Variants in CFAP299 observed in about 807,000 individuals in gnomAD.
CFAP299 encodes cilia and flagella associated protein 299.
In CFAP299, 21 loss-of-function variants were observed where a neutral mutation model predicts 27.0. That is an observed-to-expected ratio of 0.78 (90% CI 0.55 to 1.12). The LOEUF (loss-of-function observed/expected upper bound fraction) is 1.12, where lower values mean the gene tolerates loss of function less well. CFAP299 is among the 50% of genes most tolerant of loss of function. The pLI, the probability that CFAP299 is intolerant of heterozygous loss-of-function variation, is 0.00. For missense variants in CFAP299, 310 were observed against 276.6 expected, an observed-to-expected ratio of 1.12 and a Z score of -0.86; for synonymous variants, 104 against 98.1, an observed-to-expected ratio of 1.06 and a Z score of -0.36.
chr4:80,600,774 C>T lies in CFAP299; in HGVS notation c.333+17591C>T, dbSNP rs541726735. On this transcript the variant is annotated intron_variant, in intron 3 of 5. Transcript: ENST00000358105. ...CAAAATACAAAGCAAGTTTCTGGGA[C>T]ATGGATTTACACTTATTCTGTGGTA... Among the ~76,000 whole-genome samples the T allele has an allele frequency of 7.9e-5, 12 of 152,120 alleles. No homozygotes were observed. The South Asian group carries it at 2.5e-3, about 32-fold the overall frequency.
At chr4:80,390,787 ATATATG>A (rs1169342866) in intron 2 of CFAP299, among the ~76,000 whole-genome samples, 5 of 144,954 alleles carry the variant, frequency 3.4e-5, no homozygotes, top group East Asian at 2.0e-4. Context: ...ACATATACAC[ATATATG>A]TATATGTATA....
intron 3 of CFAP299, among the ~76,000 whole-genome samples, chr4:80,759,110 A>G (rs1031471695): frequency 6.6e-6 from 1 of 152,200 alleles, no homozygotes; most frequent in Non-Finnish European, 1.5e-5. Context: ...TGTAATATTC[A>G]TGCCTAAAAC....
intron 3 of CFAP299, among the ~76,000 whole-genome samples, chr4:80,817,287 T>C: frequency 6.6e-6 from 1 of 152,142 alleles, no homozygotes; most frequent in East Asian, 1.9e-4. Flanking sequence ...ATTAAGAATA[T>C]ATTACATAGT....
chr4:80,388,721 G>T, intron 2 of CFAP299: 1 of 675,568 alleles, frequency 1.5e-6, no homozygotes, highest in Non-Finnish European at 2.6e-6. Context: ...CACCATCTTG[G>T]AGCCCCTATA....
At chr4:80,911,037 A>T (rs1735444804) in intron 4 of CFAP299, among the ~76,000 whole-genome samples, 1 of 152,046 alleles carries the variant, frequency 6.6e-6, no homozygotes, top group African/African-American at 2.4e-5. Context: ...TCAACTCATC[A>T]CAAACTTACC....
intron 3 of CFAP299, among the ~76,000 whole-genome samples, chr4:80,712,120 A>G (rs1178860428): frequency 6.6e-6 from 1 of 152,176 alleles, no homozygotes; most frequent in Non-Finnish European, 1.5e-5. Context: ...TGCTGAGGCC[A>G]TGGTTATGAG....
chr4:80,397,359 G>A (rs1216357258), intron 2 of CFAP299, among the ~76,000 whole-genome samples: 1 of 151,904 alleles, frequency 6.6e-6, no homozygotes, highest in Non-Finnish European at 1.5e-5. Flanking sequence ...TTTTTGAAGG[G>A]TTTTTTTGCG....
chr4:80,505,378 G>A (rs1287077669), intron 2 of CFAP299, among the ~76,000 whole-genome samples: 1 of 145,028 alleles, frequency 6.9e-6, no homozygotes, highest in Non-Finnish European at 1.5e-5. Context: ...TACTTGTGTA[G>A]GTGCTAATTG....
At chr4:80,370,619 C>A (rs1028589244) in intron 2 of CFAP299, among the ~76,000 whole-genome samples, 19 of 152,324 alleles carry the variant, frequency 1.2e-4, no homozygotes, top group African/African-American at 3.8e-4. Flanking sequence ...AGGCCCCAGG[C>A]AAGTCTGAAA....
intron 3 of CFAP299, among the ~76,000 whole-genome samples, chr4:80,838,012 T>G (rs1418040644): frequency 2.6e-5 from 4 of 152,230 alleles, no homozygotes; most frequent in Non-Finnish European, 5.9e-5. Context: ...TTCATTTATC[T>G]AATGACCAGT....
At chr4:80,578,528 G>C (rs1735993580) in intron 2 of CFAP299, among the ~76,000 whole-genome samples, 1 of 152,082 alleles carries the variant, frequency 6.6e-6, no homozygotes, top group South Asian at 2.1e-4. Flanking sequence ...GTAAGTCTAT[G>C]TATGCGAGAC....
intron 3 of CFAP299, among the ~76,000 whole-genome samples, chr4:80,706,030 C>A (rs1721798975): frequency 6.6e-6 from 1 of 151,700 alleles, no homozygotes; most frequent in Non-Finnish European, 1.5e-5. Flanking sequence ...TGCAATAAAT[C>A]TTGCTTTTTA....
At chr4:80,365,947 G>A (rs1274366648) in intron 2 of CFAP299, among the ~76,000 whole-genome samples, 2 of 152,148 alleles carry the variant, frequency 1.3e-5, no homozygotes, top group Non-Finnish European at 2.9e-5. Flanking sequence ...AGCCAGTTTT[G>A]GGAGACTAAT....
intron 3 of CFAP299, among the ~76,000 whole-genome samples, chr4:80,675,513 C>T (rs1331351982): frequency 5.9e-5 from 9 of 152,232 alleles, no homozygotes; most frequent in Non-Finnish European, 1.5e-5. Context: ...CTTGAGGAGG[C>T]AGTCTGTCCG....
At chr4:80,837,166 A>G (rs920043395) in intron 3 of CFAP299, among the ~76,000 whole-genome samples, 3 of 152,228 alleles carry the variant, frequency 2.0e-5, no homozygotes, top group African/African-American at 7.2e-5. Context: ...TTATCAGTGC[A>G]TATTAAGAGA....
intron 3 of CFAP299, among the ~76,000 whole-genome samples, chr4:80,708,622 A>G (rs1721958434): frequency 6.6e-6 from 1 of 152,182 alleles, no homozygotes; most frequent in African/African-American, 2.4e-5. Flanking sequence ...TATTTTTAAC[A>G]TACTGAAAGT....
intron 3 of CFAP299, among the ~76,000 whole-genome samples, chr4:80,757,745 T>C (rs901402249): frequency 1.3e-5 from 2 of 151,942 alleles, no homozygotes; most frequent in Non-Finnish European, 2.9e-5. Flanking sequence ...TTTTTTTTCA[T>C]TTACGCAGTC....
intron 3 of CFAP299, among the ~76,000 whole-genome samples, chr4:80,778,945 T>C (rs1214457560): frequency 6.6e-6 from 1 of 152,112 alleles, no homozygotes; most frequent in Non-Finnish European, 1.5e-5. Context: ...TTCATCTGTA[T>C]GATTTTGTAG....
At chr4:80,924,543 T>TGC (rs1736212735) in intron 4 of CFAP299, among the ~76,000 whole-genome samples, 1 of 138,432 alleles carries the variant, frequency 7.2e-6, no homozygotes. Context: ...TGTGTGTATA[T>TGC]ATATATATAT....
Sources: allele counts gnomAD v4.1 joint callset (sites outside exome capture counted in the v4.1 genomes callset), GRCh38; gene constraint gnomAD v4.1.1; transcripts MANE v1.5; gene names NCBI Gene and HGNC (gene_info 2026-07-23, HGNC 2026-07-21).